STK10: variants seen among roughly 807,000 people sequenced by gnomAD.
STK10 encodes the protein serine/threonine kinase 10.
In STK10, 78 loss-of-function variants were observed where a neutral mutation model predicts 113.8. The observed-to-expected ratio is 0.69, with a 90% CI of 0.57 to 0.83. The LOEUF is 0.83. Ranked by LOEUF, STK10 falls within the 40% of genes least tolerant of loss-of-function variation. The pLI is 0.00. For missense variants in STK10, 1,109 were observed against 1,280.1 expected, an observed-to-expected ratio of 0.87 and a Z score of 2.04; for synonymous variants, 465 against 494.7, an observed-to-expected ratio of 0.94 and a Z score of 0.80.
At chr5:172,052,320 C>A (rs1767646168) in intron 18 of STK10, among the ~76,000 whole-genome samples, 1 of 152,142 alleles carries the variant, frequency 6.6e-6, no homozygotes. Context: ...CCATAAGGAA[C>A]TGGATTCTGT....
intron 1 of STK10, among the ~76,000 whole-genome samples, chr5:172,186,011 C>T (rs1770949546): frequency 6.6e-6 from 1 of 152,148 alleles, no homozygotes; most frequent in African/African-American, 2.4e-5. Flanking sequence ...CAGTGGCTCA[C>T]GCCTGTAATC....
intron 4 of STK10, among the ~76,000 whole-genome samples, chr5:172,111,328 C>A (rs1394551166): frequency 6.6e-6 from 1 of 152,146 alleles, no homozygotes; most frequent in Non-Finnish European, 1.5e-5. Context: ...GTGGCCACTC[C>A]CCGACCACAG....
Position 172,082,977 on chromosome 5 carries a change from A to C in STK10, c.1793T>G (p.Phe598Cys), listed in dbSNP as rs769296012. Reference protein sequence around the residue: ...ELQLEQMHKRFEQEINAKKKF... With the variant: ...ELQLEQMHKRCEQEINAKKKF... ...CGCACTCACGTTGATTTCCTGTTCA[A>C]AACGTTTATGCATTTGCTCCAGCTG... Residue 598 changes from phenylalanine (F) to cysteine (C), a missense_variant, in exon 11 of 19, where the codon TTT (phenylalanine) becomes TGT (cysteine). By Grantham distance (205) the Phe-to-Cys change is radical. This residue lies in a region of STK10 where 885 missense variants were observed against 991.1 expected (regional missense o/e 0.89). Transcript: ENST00000176763. The surrounding 1 kb of genome is among the most constrained non-coding windows in gnomAD (Gnocchi z 4.3). 1 of 1,613,712 alleles carries C rather than the reference A, an allele frequency of 6.2e-7. No individual in the cohort carries two copies. Among genetic ancestry groups the C allele is most frequent in the Non-Finnish European group, 8.5e-7 (1 of 1,179,984 alleles).
At chr5:172,117,235 C>T (rs1769407045) in intron 4 of STK10, among the ~76,000 whole-genome samples, 2 of 151,996 alleles carry the variant, frequency 1.3e-5, no homozygotes. Context: ...GCCAAGAACG[C>T]ACCACTGCAC....
At chr5:172,134,381 T>C (rs1316647705) in intron 2 of STK10, among the ~76,000 whole-genome samples, 1 of 152,210 alleles carries the variant, frequency 6.6e-6, no homozygotes, top group Non-Finnish European at 1.5e-5. Flanking sequence ...GGATCTTCAT[T>C]ATTAAAGACC....
rs773803308 is a variant in STK10, at chr5:172,106,605, G to A, written c.788+15C>T. Reference sequence around the variant, plus strand: ...CGCAGGCACCCCGGCAGGTGGCCCTGCCCCTGCCCCTCACCACTTAGAGGG... The same window carrying A: ...CGCAGGCACCCCGGCAGGTGGCCCTACCCCTGCCCCTCACCACTTAGAGGG... On this transcript the variant is annotated intron_variant, in intron 6 of 18. Coordinates refer to ENST00000176763, the MANE Select transcript of STK10 (RefSeq NM_005990.4). 2.5e-6 allele frequency: 4 copies of A among 1,608,212 alleles called. No homozygotes were observed. The highest frequency in any genetic ancestry group is 2.2e-5 in the South Asian group (2 of 90,736).
chr5:172,050,637 AAAATTTGAGCATTCAAGC>A (rs1011524895), intron 18 of STK10, among the ~76,000 whole-genome samples: 1 of 152,220 alleles, frequency 6.6e-6, no homozygotes, highest in African/African-American at 2.4e-5. Context: ...TGCCAATGAC[AAAATTTGAGCATTCAAGC>A]AAAAATGAGA....
At chr5:172,152,491 C>T (rs2113812868) in intron 2 of STK10, among the ~76,000 whole-genome samples, 1 of 151,986 alleles carries the variant, frequency 6.6e-6, no homozygotes, top group Middle Eastern at 3.4e-3. Context: ...GGCCTTCTTG[C>T]AGTCACTCAT....
At chr5:172,065,072 C>T (rs932990813) in intron 12 of STK10, among the ~76,000 whole-genome samples, 2 of 152,176 alleles carry the variant, frequency 1.3e-5, no homozygotes, top group African/African-American at 4.8e-5. Context: ...TATCCACCCC[C>T]CTCTTCTGGT....
At chr5:172,074,078 A>G (rs1010428447) in intron 12 of STK10, among the ~76,000 whole-genome samples, 3 of 152,146 alleles carry the variant, frequency 2.0e-5, no homozygotes, top group Non-Finnish European at 4.4e-5. Context: ...AAGTAAATGG[A>G]GAGATATGTT....
rs559514456 is a variant in STK10, at chr5:172,093,270, A to G, written c.1554+142T>C. 1 of 835,608 alleles carries G rather than the reference A, an allele frequency of 1.2e-6. No homozygotes were observed. The highest frequency in any genetic ancestry group is 2.0e-5 in the South Asian group (1 of 50,538). The allele number at this position is 835,608 out of a possible 1,614,324, so 51.8% of individuals were successfully genotyped here. A position where few individuals can be genotyped will look rare whatever the true frequency, so the allele number is the denominator to read the frequency against. ...ATTGAACCCAGATATTTTGGAGATT[A>G]AACTATGAGTCAAACCCAAAACCCC... is the stretch of plus-strand genomic sequence containing the variant. On this transcript the variant is annotated intron_variant, in intron 9 of 18. Coordinates refer to ENST00000176763, the MANE Select transcript of STK10 (RefSeq NM_005990.4). The surrounding 1 kb of genome is among the most constrained non-coding windows in gnomAD (Gnocchi z 4.1).
rs373519144 is a variant in STK10, at chr5:172,073,235, C to T, written c.1990-8423G>A. Among the ~76,000 whole-genome samples, 8 of 152,282 alleles carry T rather than the reference C, an allele frequency of 5.3e-5. No individual in the cohort carries two copies. The South Asian group carries it at 1.0e-3, about 20-fold the overall frequency. On this transcript the variant is annotated intron_variant, in intron 12 of 18. Transcript: ENST00000176763. ...TGGTGCGATCTTGGCTCACTGCAGC[C>T]TCTGCCTCCCGGGTTCAAGCAATTC...
chr5:172,078,619 T>TAAAAAAA (rs58823824), intron 12 of STK10, among the ~76,000 whole-genome samples: 13 of 72,854 alleles, frequency 1.8e-4, no homozygotes, highest in Admixed American at 1.9e-4. Context: ...GCCTCATCAT[T>TAAAAAAA]AAAAAAAAAA....
intron 13 of STK10, 153 bp downstream of exon 13, chr5:172,064,567 G>T: frequency 1.4e-6 from 1 of 714,560 alleles, no homozygotes; most frequent in Non-Finnish European, 2.4e-6. Flanking sequence ...ATGGAGGAGG[G>T]GATAATGGGG....
At position 172,082,317 on chromosome 5, in the gene STK10, C is replaced by G. The variant is rs771327552; in HGVS notation, c.1989+9G>C. The G allele has an allele frequency of 5.8e-6, 9 of 1,538,640 alleles. No individual in the cohort carries two copies. In the African/African-American group the frequency reaches 1.1e-4, roughly 19 times the overall value. On this transcript the variant is annotated intron_variant, in intron 12 of 18. Transcript: ENST00000176763. This position sits in a 1 kb window ranked among gnomAD's most constrained non-coding sequence, Gnocchi z 4.3. ...GAGATGCCCCTGCCCCCACTGAGCA[C>G]ATACTCACCTCTTTCTTCATCAGTT...
At chr5:172,101,133 C>A (rs1768980599) in intron 7 of STK10, among the ~76,000 whole-genome samples, 1 of 152,150 alleles carries the variant, frequency 6.6e-6, no homozygotes, top group Non-Finnish European at 1.5e-5. Flanking sequence ...TATAATCGTA[C>A]CTGGCATGAA....
rs913635085 is a variant in STK10 at position 172,187,710 on chromosome 5, C to T, written c.156+177G>A. Among the ~76,000 whole-genome samples the T allele has an allele frequency of 1.3e-5, 2 of 152,158 alleles. No homozygotes were observed. Among genetic ancestry groups the T allele is most frequent in the African/African-American group, 4.8e-5 (2 of 41,442 alleles). On this transcript the variant is annotated intron_variant, in intron 1 of 18. Coordinates refer to ENST00000176763, the MANE Select transcript of STK10 (RefSeq NM_005990.4). This position sits in a 1 kb window ranked among gnomAD's most constrained non-coding sequence, Gnocchi z 4.6. ...GGCGCCCAGAGCGCAGGGACTCGGC[C>T]GGGCCGAGTGATGTTCCCCCCAAAA...
At position 172,042,406 on chromosome 5, in the gene STK10, G is replaced by C. The variant is rs1386027680; in HGVS notation, c.*2476C>G. The C allele has an allele frequency of 6.5e-6, 1 of 152,680 alleles. No individual in the cohort carries two copies. The highest frequency in any genetic ancestry group is 1.5e-5 in the Non-Finnish European group (1 of 68,074). 9.5% of individuals were successfully genotyped at this position (152,680 alleles called of 1,614,324 possible). ...CCAGAAAAGCACAGGGGAGCTCTGA[G>C]GGCTCAGGCGGCACTGAGCGGGGAC... On this transcript the variant is annotated 3_prime_UTR_variant, in exon 19 of 19. Coordinates refer to ENST00000176763, the MANE Select transcript of STK10 (RefSeq NM_005990.4).
intron 1 of STK10, among the ~76,000 whole-genome samples, chr5:172,178,955 C>A (rs1038052368): frequency 2.0e-5 from 3 of 152,000 alleles, no homozygotes; most frequent in Non-Finnish European, 4.4e-5. Context: ...GTGGAACACC[C>A]TATAATGTAC....
Sources: allele counts gnomAD v4.1 joint callset (sites outside exome capture counted in the v4.1 genomes callset), GRCh38; gene constraint gnomAD v4.1.1; regional missense constraint gnomAD v4.1.1; non-coding constraint Gnocchi (gnomAD v3.1); transcripts MANE v1.5; gene names NCBI Gene and HGNC (gene_info 2026-07-23, HGNC 2026-07-21).